Variants in SKA1 observed in about 807,000 individuals in gnomAD.
SKA1 encodes spindle and kinetochore associated complex subunit 1, also known as SKA complex subunit 1.
A neutral mutation model predicts 31.8 loss-of-function variants in SKA1; 20 were observed. That is an observed-to-expected ratio of 0.63 (90% CI 0.44 to 0.91). The LOEUF (loss-of-function observed/expected upper bound fraction) is 0.91. SKA1 is among the 40% of genes least tolerant of loss of function. The pLI is 0.00. For missense variants in SKA1, 253 were observed against 298.2 expected, an observed-to-expected ratio of 0.85 and a Z score of 1.12; for synonymous variants, 88 against 100.5, an observed-to-expected ratio of 0.88 and a Z score of 0.74.
intron 3 of SKA1, among the ~76,000 whole-genome samples, chr18:50,381,284 G>A (rs1258144976): frequency 6.6e-6 from 1 of 152,188 alleles, no homozygotes; most frequent in African/African-American, 2.4e-5. Flanking sequence ...TCTAGTAAAA[G>A]TTAGAGACCA....
At chr18:50,375,539 T>C (rs943952784) in intron 1 of SKA1, among the ~76,000 whole-genome samples, 2 of 152,204 alleles carry the variant, frequency 1.3e-5, no homozygotes, top group African/African-American at 4.8e-5. Flanking sequence ...TATATACAAA[T>C]AGTGCGTTTG....
At chr18:50,390,736 G>A (rs2041349922) in intron 5 of SKA1, among the ~76,000 whole-genome samples, 1 of 151,880 alleles carries the variant, frequency 6.6e-6, no homozygotes, top group African/African-American at 2.4e-5. Flanking sequence ...AATAGTTTTT[G>A]TATAGCACTA....
rs563055710 is a variant in SKA1, at chr18:50,377,163, G to A, written c.88+1245G>A. Among the ~76,000 whole-genome samples the A allele has an allele frequency of 3.9e-5, 6 of 152,104 alleles. No homozygotes were observed. The East Asian group carries it at 1.2e-3, about 29-fold the overall frequency. On this transcript the variant is annotated intron_variant, in intron 2 of 6. Transcript: ENST00000285116. ...TATTATGTACTATACATAATTGTAT[G>A]TGCTGTACTTTTGTAATACTGGCAT...
chr18:50,391,273 A>C lies in SKA1; in HGVS notation c.599A>C (p.Glu200Ala), dbSNP rs2149323917. ...TRNLYHRFID[E>A]ETKDTKGRYF... ...AATCTCTATCACAGATTTATTGATG[A>C]AGAAACGAAGGATACCAAAGGTAAA... The change falls in exon 6 of 7, where the codon GAA becomes GCA. Residue 200 changes from glutamate (E) to alanine (A), a missense_variant. Glu to Ala is a moderately radical substitution (Grantham distance 107). Coordinates refer to ENST00000285116, the MANE Select transcript of SKA1 (RefSeq NM_145060.4). 6.3e-7 allele frequency: 1 copy of C among 1,596,568 alleles called. No homozygotes were observed. The highest frequency in any genetic ancestry group is 2.2e-5 in the East Asian group (1 of 44,596).
rs1359910361 is a variant in SKA1 at position 50,375,059 on chromosome 18, G to A, written c.-147G>A. 1 of 152,428 alleles carries A rather than the reference G, an allele frequency of 6.6e-6. No homozygotes were observed. The highest frequency in any genetic ancestry group is 1.5e-5 in the Non-Finnish European group (1 of 68,190). 9.4% of individuals were successfully genotyped at this position (152,428 alleles called of 1,614,324 possible). A position where few individuals can be genotyped will look rare whatever the true frequency, so the allele number is the denominator to read the frequency against. On this transcript the variant is annotated 5_prime_UTR_variant, in exon 1 of 7. Transcript: ENST00000285116. ...GGAAGCATGGATGTGCGCCTGCGCT[G>A]CGCTAGGGCGCGGCGGGCGGTTTGA...
In SKA1 at chr18:50,380,106, T is replaced by C. The variant is rs765977043; in HGVS notation, c.89-20T>C. On this transcript the variant is annotated intron_variant, in intron 2 of 6. Coordinates refer to ENST00000285116, the MANE Select transcript of SKA1 (RefSeq NM_145060.4). Reference sequence around the variant, plus strand: ...CTTTTCTATACACTTTGTTTTCTATTTTATTTTTGTTTATAACAGGCCAGG... The same window carrying C: ...CTTTTCTATACACTTTGTTTTCTATCTTATTTTTGTTTATAACAGGCCAGG... 6.7e-7 allele frequency: 1 copy of C among 1,487,460 alleles called. No individual in the cohort carries two copies. Among genetic ancestry groups the C allele is most frequent in the East Asian group, 2.6e-5 (1 of 38,764 alleles). The allele number at this position is 1,487,460 out of a possible 1,614,324, so 92.1% of individuals were successfully genotyped here.
chr18:50,389,371 CTTTCTT>C (rs1392223287), intron 5 of SKA1, among the ~76,000 whole-genome samples: 1 of 127,062 alleles, frequency 7.9e-6, no homozygotes, highest in Non-Finnish European at 1.6e-5. Context: ...TTTCCTTTAC[CTTTCTT>C]TTTTTTTTTT....
rs1163197921 is a variant in SKA1, at chr18:50,380,001, A to G, written c.89-125A>G. On this transcript the variant is annotated intron_variant, in intron 2 of 6. Transcript: ENST00000285116. ...TCCATGGAGTCATTTTCTAGGGGCT[A>G]AAGCAGTAGACCTTTTTCCACCCCT... 1.1e-5 allele frequency: 8 copies of G among 720,016 alleles called. No individual in the cohort carries two copies. The Admixed American group carries it at 2.3e-4, about 21-fold the overall frequency. The allele number at this position is 720,016 out of a possible 1,614,324, so 44.6% of individuals were successfully genotyped here. A position where few individuals can be genotyped will look rare whatever the true frequency, so the allele number is the denominator to read the frequency against.
intron 2 of SKA1, among the ~76,000 whole-genome samples, chr18:50,376,812 A>ATTT (rs35073697): frequency 6.7e-6 from 1 of 150,124 alleles, no homozygotes; most frequent in Non-Finnish European, 1.5e-5. Flanking sequence ...CTTTTTTTCT[A>ATTT]TTTTTTTTTA....
At chr18:50,387,887 G>A (rs1412365518) in intron 5 of SKA1, among the ~76,000 whole-genome samples, 3 of 152,134 alleles carry the variant, frequency 2.0e-5, no homozygotes, top group Non-Finnish European at 4.4e-5. Context: ...GATGCTCTCA[G>A]CCTGTATTTT....
rs1253232981 is a variant in SKA1, at chr18:50,380,526, A to T, written c.213+276A>T. On this transcript the variant is annotated intron_variant, in intron 3 of 6. Coordinates refer to ENST00000285116, the MANE Select transcript of SKA1 (RefSeq NM_145060.4). ...TTAATTTAAACAATGATGTTCTAGT[A>T]GAGTGGTATGTAAAGAACACCTGCT... is the stretch of plus-strand genomic sequence containing the variant. Among the ~76,000 whole-genome samples, 3 of 152,320 alleles carry T rather than the reference A, an allele frequency of 2.0e-5. No homozygotes were observed. The East Asian group carries it at 5.8e-4, about 29-fold the overall frequency.
intron 4 of SKA1, among the ~76,000 whole-genome samples, chr18:50,384,605 G>C (rs1427254369): frequency 6.6e-6 from 1 of 150,872 alleles, no homozygotes; most frequent in African/African-American, 2.4e-5. Context: ...GATGTTTCCA[G>C]ATTCAGAGTT....
At chr18:50,388,831 G>A (rs73440070) in intron 5 of SKA1, among the ~76,000 whole-genome samples, 7,260 of 152,088 alleles carry the variant, frequency 0.048, 606 homozygotes, top group African/African-American at 0.17. Context: ...AAAACTTGGG[G>A]GGAAGGCAGG....
intron 2 of SKA1, among the ~76,000 whole-genome samples, chr18:50,376,574 C>T (rs1043925352): frequency 6.6e-6 from 1 of 151,612 alleles, no homozygotes; most frequent in African/African-American, 2.4e-5. Flanking sequence ...CTGTGAGGGC[C>T]TAGGACATCA....
chr18:50,384,857 A>T (rs1481270903), intron 4 of SKA1, among the ~76,000 whole-genome samples: 3 of 64,432 alleles, frequency 4.7e-5, no homozygotes, highest in Admixed American at 1.6e-4. Context: ...AGAGTATAAT[A>T]AAAAAAAAAA....
intron 5 of SKA1, 92 bp downstream of exon 5, chr18:50,385,445 T>C: frequency 2.8e-6 from 3 of 1,086,030 alleles, no homozygotes; most frequent in Non-Finnish European, 3.8e-6. Flanking sequence ...TGTAATATGC[T>C]ATGTTCAAAT....
chr18:50,380,444 G>C lies in SKA1; in HGVS notation c.213+194G>C, dbSNP rs541911297. ...TCCACAGCTGCTACTTTCTGCTGAT[G>C]GCCAGTGGAATTGAACTTTACTAAA... On this transcript the variant is annotated intron_variant, in intron 3 of 6. Coordinates refer to ENST00000285116, the MANE Select transcript of SKA1 (RefSeq NM_145060.4). Among the ~76,000 whole-genome samples, 7 of 152,294 alleles carry C rather than the reference G, an allele frequency of 4.6e-5. No individual in the cohort carries two copies. In the East Asian group the frequency reaches 9.6e-4, roughly 21 times the overall value.
chr18:50,388,298 G>T (rs2149322637), intron 5 of SKA1, among the ~76,000 whole-genome samples: 1 of 152,244 alleles, frequency 6.6e-6, no homozygotes, highest in African/African-American at 2.4e-5. Context: ...CACCATGTTA[G>T]CCAGGATGGT....
At chr18:50,375,334 C>T (rs2041205459) in intron 1 of SKA1, 140 bp downstream of exon 1, 1 of 152,494 alleles carries the variant, frequency 6.6e-6, no homozygotes, top group Non-Finnish European at 1.5e-5. Context: ...CTCCCCTTCT[C>T]TCTCACCGGC....
Sources: allele counts gnomAD v4.1 joint callset (sites outside exome capture counted in the v4.1 genomes callset), GRCh38; gene constraint gnomAD v4.1.1; transcripts MANE v1.5; gene names NCBI Gene and HGNC (gene_info 2026-07-23, HGNC 2026-07-21).